NTN4: variants seen among roughly 807,000 people sequenced by gnomAD.
NTN4 encodes the protein netrin-4.
NTN4 carries 32 observed loss-of-function variants against 73.6 expected under a neutral mutation model. The observed-to-expected ratio is 0.44, with a 90% CI of 0.33 to 0.58. NTN4 has a LOEUF of 0.58. NTN4 is among the 20% of genes least tolerant of loss of function. The pLI, the probability that NTN4 is intolerant of heterozygous loss-of-function variation, is 0.04. For missense variants in NTN4, 654 were observed against 798.3 expected (o/e 0.82, Z 2.18); for synonymous variants, 258 against 287.5 (o/e 0.90, Z 1.04).
intron 9 of NTN4, among the ~76,000 whole-genome samples, chr12:95,662,203 C>T (rs1190713088): frequency 6.7e-6 from 1 of 148,686 alleles, no homozygotes; most frequent in African/African-American, 2.5e-5. Context: ...CTCCCCTTCC[C>T]TCCCCTCTCC....
intron 2 of NTN4, among the ~76,000 whole-genome samples, chr12:95,782,220 C>T (rs879726229): frequency 5.3e-5 from 8 of 152,058 alleles, no homozygotes; most frequent in Non-Finnish European, 1.0e-4. Flanking sequence ...GTGATCCAAG[C>T]AATGTGCTAA....
At chr12:95,692,481 T>C (rs1294258761) in intron 5 of NTN4, among the ~76,000 whole-genome samples, 1 of 152,252 alleles carries the variant, frequency 6.6e-6, no homozygotes, top group Non-Finnish European at 1.5e-5. Flanking sequence ...AGATAATTGC[T>C]GAATATGATA....
chr12:95,728,070 A>G (rs1401031473), intron 3 of NTN4, among the ~76,000 whole-genome samples: 1 of 151,940 alleles, frequency 6.6e-6, no homozygotes, highest in African/African-American at 2.4e-5. Context: ...ACTGTAAATG[A>G]GATTTTCTTA....
rs2078890878 is a variant in NTN4 at position 95,749,854 on chromosome 12, A to G, written c.586-11710T>C. On this transcript the variant is annotated intron_variant, in intron 2 of 9. Coordinates refer to ENST00000343702, the MANE Select transcript of NTN4 (RefSeq NM_021229.4). ...TCCTTCTCCTTCACCCTTAGCGGCA[A>G]GTCCCGCTTTTCTGGGAGAGGGGCA... 2.0e-5 allele frequency among the ~76,000 whole-genome samples: 3 copies of G among 148,990 alleles called. No individual in the cohort carries two copies. The South Asian group carries it at 6.4e-4, about 32-fold the overall frequency.
chr12:95,781,983 T>G lies in NTN4; in HGVS notation c.585+4956A>C, dbSNP rs2079135980. Among the ~76,000 whole-genome samples, 1 of 152,154 alleles carries G rather than the reference T, an allele frequency of 6.6e-6. No homozygotes were observed. The highest frequency in any genetic ancestry group is 2.4e-5 in the African/African-American group (1 of 41,448). On this transcript the variant is annotated intron_variant, in intron 2 of 9. Coordinates refer to ENST00000343702, the MANE Select transcript of NTN4 (RefSeq NM_021229.4). The surrounding 1 kb of genome is among the most constrained non-coding windows in gnomAD (Gnocchi z 4.1). Reference sequence around the variant, plus strand: ...GATCTGACACATAGTAGCTTGAAAATTATTTGAATAAATGGGTGAATAAAC... The same window carrying G: ...GATCTGACACATAGTAGCTTGAAAAGTATTTGAATAAATGGGTGAATAAAC...
intron 8 of NTN4, among the ~76,000 whole-genome samples, chr12:95,667,883 TAAATAAATAAAAC>T (rs2120931028): frequency 6.6e-6 from 1 of 151,152 alleles, no homozygotes; most frequent in South Asian, 2.1e-4. Context: ...AATAAATAAA[TAAATAAATAAAAC>T]AAATAAATAA....
intron 5 of NTN4, among the ~76,000 whole-genome samples, chr12:95,697,816 C>T (rs2078453651): frequency 6.6e-6 from 1 of 152,012 alleles, no homozygotes; most frequent in Admixed American, 6.6e-5. Flanking sequence ...GGGTTCAAAT[C>T]CCAGCCTTGG....
chr12:95,707,127 T>G (rs527692368), intron 5 of NTN4, among the ~76,000 whole-genome samples: 1 of 152,358 alleles, frequency 6.6e-6, no homozygotes, highest in East Asian at 1.9e-4. Context: ...TTTTGAAAAC[T>G]AAGTCAGACC....
At chr12:95,663,566 C>T (rs2078154978) in intron 9 of NTN4, 4 of 152,162 alleles carry the variant, frequency 2.6e-5, no homozygotes. Context: ...TCCAAAGTAG[C>T]CAAGGAAGCA....
intron 2 of NTN4, among the ~76,000 whole-genome samples, chr12:95,760,680 C>CT (rs11308260): frequency 0.13 from 16,654 of 130,712 alleles, 1,371 homozygotes; most frequent in Non-Finnish European, 0.18. Context: ...ATTGTATCAT[C>CT]TTTTTTTTTT....
intron 9 of NTN4, among the ~76,000 whole-genome samples, chr12:95,659,710 C>T (rs1270983625): frequency 6.6e-6 from 1 of 152,192 alleles, no homozygotes; most frequent in Non-Finnish European, 1.5e-5. Context: ...CATGTATGAT[C>T]TCATTTAGCT....
intron 2 of NTN4, among the ~76,000 whole-genome samples, chr12:95,755,313 C>T (rs1367950007): frequency 1.3e-5 from 2 of 152,310 alleles, no homozygotes; most frequent in African/African-American, 2.4e-5. Flanking sequence ...AACGGGCTTT[C>T]TGCTTCCATG....
At chr12:95,701,648 G>A (rs879046099) in intron 5 of NTN4, among the ~76,000 whole-genome samples, 1 of 152,148 alleles carries the variant, frequency 6.6e-6, no homozygotes, top group South Asian at 2.1e-4. Context: ...AGAAGATTTG[G>A]TTCAGGGCCT....
At chr12:95,702,301 A>C (rs980670716) in intron 5 of NTN4, among the ~76,000 whole-genome samples, 3 of 147,728 alleles carry the variant, frequency 2.0e-5, no homozygotes, top group South Asian at 2.1e-4. Flanking sequence ...AAAAAAACAA[A>C]AAAAAAGAAA....
intron 7 of NTN4, chr12:95,672,998 T>C (rs1299931745): frequency 8.0e-7 from 1 of 1,245,564 alleles, no homozygotes; most frequent in Non-Finnish European, 1.2e-6. Context: ...TGCATGGAGT[T>C]CCTGGGGGAT....
At chr12:95,672,826 A>T (rs2078243872) in intron 7 of NTN4, 1 of 1,360,276 alleles carries the variant, frequency 7.4e-7, no homozygotes, top group Non-Finnish European at 1.1e-6. Flanking sequence ...AGTTCCCCAG[A>T]TCAAGGAAGG....
At chr12:95,722,002 T>G (rs1209873454) in intron 3 of NTN4, among the ~76,000 whole-genome samples, 2 of 151,682 alleles carry the variant, frequency 1.3e-5, no homozygotes, top group African/African-American at 2.4e-5. Context: ...CACATCTGTA[T>G]ACATCTATAT....
intron 7 of NTN4, among the ~76,000 whole-genome samples, chr12:95,680,062 T>C (rs1016431631): frequency 6.6e-6 from 1 of 152,226 alleles, no homozygotes; most frequent in Non-Finnish European, 1.5e-5. Context: ...TTTAAAAGTA[T>C]GTCCCTCTAA....
Position 95,672,276 on chromosome 12 carries a change from A to G in NTN4, c.1511-2130T>C, listed in dbSNP as rs2078238471. The G allele has an allele frequency of 4.0e-6, 3 of 742,050 alleles. No individual in the cohort carries two copies. In the South Asian group the frequency reaches 4.3e-5, roughly 11 times the overall value. The allele number at this position is 742,050 out of a possible 1,614,324, so 46.0% of individuals were successfully genotyped here. ...GCTGTGATTCTAGAATCTGAACCCC[A>G]GCTGGCACTGCCTCCCAAGCCCGCC... On this transcript the variant is annotated intron_variant, in intron 7 of 9. Coordinates refer to ENST00000343702, the MANE Select transcript of NTN4 (RefSeq NM_021229.4).
Sources: allele counts gnomAD v4.1 joint callset (sites outside exome capture counted in the v4.1 genomes callset), GRCh38; gene constraint gnomAD v4.1.1; non-coding constraint Gnocchi (gnomAD v3.1); transcripts MANE v1.5; gene names NCBI Gene and HGNC (gene_info 2026-07-23, HGNC 2026-07-21).